FBF1: variants seen among roughly 807,000 people sequenced by gnomAD.
FBF1 encodes Fas binding factor 1.
A neutral mutation model predicts 147.2 loss-of-function variants in FBF1; 119 were observed. The ratio of observed to expected loss-of-function variants is 0.81; its 90% CI spans 0.70 to 0.94. The LOEUF (loss-of-function observed/expected upper bound fraction) is 0.94. Among genes scored for constraint, FBF1 ranks in the 40% least tolerant of loss-of-function variants. The pLI is 0.00. For missense variants in FBF1, 1,449 were observed against 1,500.8 expected (o/e 0.97, Z 0.57); for synonymous variants, 601 against 609.0 (o/e 0.99, Z 0.19).
Position 75,913,975 on chromosome 17 carries a change from G to C in FBF1, c.3067C>G (p.Arg1023Gly). Residue 1023 changes from arginine (R) to glycine (G), a missense_variant, in exon 27 of 30, where the codon CGG (arginine) becomes GGG (glycine). Physicochemically the swap from Arg to Gly is moderately radical, Grantham distance 125. Coordinates refer to ENST00000636174, the MANE Select transcript of FBF1 (RefSeq NM_001319193.2). ...AQQVQAEQQA[R>G]LQAVQQQQER... ...TGCTGTTGCTGCACCGCCTGCAACC[G>C]GGCCTGCTGCTCTGCCTGCACCTGC... The C allele has an allele frequency of 6.4e-7, 1 of 1,561,896 alleles. No homozygotes were observed. The highest frequency in any genetic ancestry group is 1.4e-5 in the African/African-American group (1 of 74,012).
intron 1 of FBF1, among the ~76,000 whole-genome samples, chr17:75,938,524 C>G (rs2065639063): frequency 7.1e-6 from 1 of 140,208 alleles, no homozygotes; most frequent in African/African-American, 2.9e-5. Context: ...CCACTGCACT[C>G]CAACCTAGGC....
In FBF1 at chr17:75,919,256, T is replaced by G. The variant is rs2065508531; in HGVS notation, c.2138+412A>C. Among the ~76,000 whole-genome samples, 1 of 152,216 alleles carries G rather than the reference T, an allele frequency of 6.6e-6. No individual in the cohort carries two copies. Among genetic ancestry groups the G allele is most frequent in the African/African-American group, 2.4e-5 (1 of 41,458 alleles). On this transcript the variant is annotated intron_variant, in intron 20 of 29. Transcript: ENST00000636174. This position sits in a 1 kb window ranked among gnomAD's most constrained non-coding sequence, Gnocchi z 5.0. ...CTGCCTTCATCGACCTCTGACTCCC[T>G]TAGGTAACTTTTCTTAGTTTCCTTC...
rs2065517310 is a variant in FBF1 at position 75,920,306 on chromosome 17, T to C, written c.1798A>G (p.Ser600Gly). The change falls in exon 18 of 30, where the codon AGC becomes GGC. Residue 600 changes from serine (S) to glycine (G), a missense_variant. Coordinates refer to ENST00000636174, the MANE Select transcript of FBF1 (RefSeq NM_001319193.2). ...TCCAGCTCTGCCAGCCGGGCCTGGC[T>C]ATGCAGCAGCTCGGCCTGGAGCTCA... The part of the protein sequence containing the change: ...PAELQAELLH[S>G]QARLAELEAQ... 1 of 1,611,296 alleles carries C rather than the reference T, an allele frequency of 6.2e-7. No homozygotes were observed. The highest frequency in any genetic ancestry group is 8.5e-7 in the Non-Finnish European group (1 of 1,179,252).
At chr17:75,911,582 C>T (rs1567856346) in intron 29 of FBF1, among the ~76,000 whole-genome samples, 1 of 152,050 alleles carries the variant, frequency 6.6e-6, no homozygotes, top group Non-Finnish European at 1.5e-5. Flanking sequence ...GCAGTGGCAC[C>T]GTTGTGGCTC....
At chr17:75,920,464 G>A in intron 17 of FBF1, 35 bp from the exon 18 acceptor site, 2 of 1,570,438 alleles carry the variant, frequency 1.3e-6, no homozygotes, top group South Asian at 1.2e-5. Flanking sequence ...TCTAGTTAGG[G>A]AGGGGACAGG....
At chr17:75,926,008 C>T (rs533404840) in intron 12 of FBF1, 22 bp downstream of exon 12, 22 of 1,588,032 alleles carry the variant, frequency 1.4e-5, no homozygotes, top group African/African-American at 1.2e-4. Context: ...CGTCCTGTTG[C>T]GGCCCCCGCA....
chr17:75,914,187 CCTT>C lies in FBF1; in HGVS notation c.2923_2925del (p.Lys975del), dbSNP rs2065473779. The C allele has an allele frequency of 1.3e-6, 2 of 1,593,212 alleles. No homozygotes were observed. Among genetic ancestry groups the C allele is most frequent in the East Asian group, 4.6e-5 (2 of 43,858 alleles). Reference sequence around the variant, plus strand: ...CGCAGGGCGGTGGCGTTGATCCTCTCCTTCTCCAGCCGCAGCTCCTGCCGCTCC... The same window carrying C: ...CGCAGGGCGGTGGCGTTGATCCTCTCCTCCAGCCGCAGCTCCTGCCGCTCC... On this transcript the variant is annotated inframe_deletion, in exon 26 of 30. Coordinates refer to ENST00000636174, the MANE Select transcript of FBF1 (RefSeq NM_001319193.2).
Position 75,913,942 on chromosome 17 carries a change from G to A in FBF1, c.3100C>T (p.Leu1034=). ...TGCATGTGCTGCTCCTGCTTCCGCAGCCGCTCCTGCTGTTGCTGCACCGCC... is the reference window on the plus strand; with the variant it reads ...TGCATGTGCTGCTCCTGCTTCCGCAACCGCTCCTGCTGTTGCTGCACCGCC... The part of the protein sequence containing the change: ...LQAVQQQQER[L]RKQEQHMHQE... Residue 1034 remains leucine, a synonymous_variant, in exon 27 of 30, where the codon CTG becomes TTG. Transcript: ENST00000636174. The A allele has an allele frequency of 6.5e-7, 1 of 1,548,972 alleles. No homozygotes were observed. The highest frequency in any genetic ancestry group is 8.7e-7 in the Non-Finnish European group (1 of 1,152,710).
In FBF1 at chr17:75,918,116, T is replaced by A. The variant is rs753262227; in HGVS notation, c.2246+46A>T. 1.1e-5 allele frequency: 17 copies of A among 1,607,884 alleles called. No individual in the cohort carries two copies. Among genetic ancestry groups the A allele is most frequent in the Admixed American group, 1.7e-5 (1 of 59,622 alleles). ...CCCCTCCTGACGGTCTCGGGGACCT[T>A]CCGGCCCCCAACGTCAGGCGGGCAT... On this transcript the variant is annotated intron_variant, in intron 21 of 29. Transcript: ENST00000636174. The surrounding 1 kb of genome is among the most constrained non-coding windows in gnomAD (Gnocchi z 5.8).
chr17:75,910,658 C>A lies in FBF1; in HGVS notation c.*65G>T. 6.9e-7 allele frequency: 1 copy of A among 1,441,908 alleles called. No individual in the cohort carries two copies. Among genetic ancestry groups the A allele is most frequent in the South Asian group, 1.2e-5 (1 of 81,732 alleles). 89.3% of individuals were successfully genotyped at this position (1,441,908 alleles called of 1,614,324 possible). On this transcript the variant is annotated 3_prime_UTR_variant, in exon 30 of 30. Transcript: ENST00000636174. This position sits in a 1 kb window ranked among gnomAD's most constrained non-coding sequence, Gnocchi z 4.1. ...TCCCCAGGCACTGCCTCCATGGAGG[C>A]AGCCGGAGGAACAGGACAGTTCTGG...
intron 5 of FBF1, 69 bp downstream of exon 5, chr17:75,932,926 G>C: frequency 1.9e-6 from 2 of 1,040,548 alleles, no homozygotes; most frequent in Admixed American, 5.1e-5. Flanking sequence ...GTAGAAAGTG[G>C]GGGGTGGAGG....
chr17:75,920,628 GCATGTCTCC>G (rs1319888307), intron 17 of FBF1, among the ~76,000 whole-genome samples, 199 bp from the exon 18 acceptor site: 1 of 152,198 alleles, frequency 6.6e-6, no homozygotes, highest in Non-Finnish European at 1.5e-5. Flanking sequence ...CTGGTCAGGA[GCATGTCTCC>G]CTCCACCCTC....
At position 75,917,841 on chromosome 17, in the gene FBF1, TC is replaced by T; in HGVS notation, c.2395del (p.Glu799SerfsTer28). On this transcript the variant is annotated frameshift_variant, in exon 23 of 30. Coordinates refer to ENST00000636174, the MANE Select transcript of FBF1 (RefSeq NM_001319193.2). LOFTEE classifies it high-confidence loss of function. ...QRDEQLRALQ[E>X]RLGQQQRDME... Reference sequence around the variant, plus strand: ...GTCCCGCTGCTGCTGGCCCAGCCGCTCCTGCAGTGCTGGGGGCAACCCACAG... The same window carrying T: ...GTCCCGCTGCTGCTGGCCCAGCCGCTCTGCAGTGCTGGGGGCAACCCACAG... 1.2e-6 allele frequency: 2 copies of T among 1,605,346 alleles called. No homozygotes were observed. The highest frequency in any genetic ancestry group is 1.7e-6 in the Non-Finnish European group (2 of 1,177,106).
intron 23 of FBF1, 48 bp downstream of exon 23, chr17:75,917,684 G>A: frequency 1.3e-6 from 2 of 1,492,106 alleles, no homozygotes; most frequent in Non-Finnish European, 9.1e-7. Context: ...CCCTGGAGAA[G>A]AGGCCCCGTG....
chr17:75,939,282 G>A (rs1271260758), intron 1 of FBF1, among the ~76,000 whole-genome samples: 10 of 129,274 alleles, frequency 7.7e-5, no homozygotes, highest in African/African-American at 9.6e-5. Flanking sequence ...GGCAACATGC[G>A]AGACTCTGTC....
chr17:75,926,230 G>A lies in FBF1; in HGVS notation c.734+58C>T, dbSNP rs1026227730. 92 of 1,606,476 alleles carry A rather than the reference G, an allele frequency of 5.7e-5. 1 individual carries two copies. The East Asian group carries it at 6.0e-4, about 11-fold the overall frequency. On this transcript the variant is annotated intron_variant, in intron 11 of 29. Coordinates refer to ENST00000636174, the MANE Select transcript of FBF1 (RefSeq NM_001319193.2). ...GGCTCTCGGGAATCCCACAGTACCC[G>A]TCCACCAGCTTTTCCCTGAACCTGA... is the stretch of plus-strand genomic sequence containing the variant.
At chr17:75,937,958 A>G in intron 2 of FBF1, 189 bp downstream of exon 2, 1 of 790,130 alleles carries the variant, frequency 1.3e-6, no homozygotes, top group South Asian at 1.7e-5. Flanking sequence ...CTGGACACTC[A>G]GAGTCTCAGA....
Position 75,920,832 on chromosome 17 carries a change from G to C in FBF1, c.1675-403C>G, listed in dbSNP as rs1425842832. 1.2e-4 allele frequency among the ~76,000 whole-genome samples: 6 copies of C among 49,546 alleles called. No individual in the cohort carries two copies. The African/African-American group carries it at 1.9e-3, about 16-fold the overall frequency. The allele number at this position is 49,546 out of a possible 152,430, so 32.5% of individuals were successfully genotyped here. A position where few individuals can be genotyped will look rare whatever the true frequency, so the allele number is the denominator to read the frequency against. Reference sequence around the variant, plus strand: ...ACCATCTCCCAGGGACACACTCCTGGGGGGGGGGGGGGCACACCTCCCAGG... The same window carrying C: ...ACCATCTCCCAGGGACACACTCCTGCGGGGGGGGGGGGCACACCTCCCAGG... On this transcript the variant is annotated intron_variant, in intron 17 of 29. Transcript: ENST00000636174.
Position 75,910,165 on chromosome 17 carries a change from G to A in FBF1, c.*558C>T, listed in dbSNP as rs2065449069. ...GGGCTCTGGGCAAGCCCAGGAGGAGGAGGGCCTGGCTGAGTTCCAGGAACA... is the reference window on the plus strand; with the variant it reads ...GGGCTCTGGGCAAGCCCAGGAGGAGAAGGGCCTGGCTGAGTTCCAGGAACA... On this transcript the variant is annotated 3_prime_UTR_variant, in exon 30 of 30. Coordinates refer to ENST00000636174, the MANE Select transcript of FBF1 (RefSeq NM_001319193.2). This position sits in a 1 kb window ranked among gnomAD's most constrained non-coding sequence, Gnocchi z 4.1. 22 of 412,894 alleles carry A rather than the reference G, an allele frequency of 5.3e-5. No individual in the cohort carries two copies. The highest frequency in any genetic ancestry group is 4.2e-4 in the South Asian group (22 of 52,632). The allele number at this position is 412,894 out of a possible 1,614,324, so 25.6% of individuals were successfully genotyped here. A position where few individuals can be genotyped will look rare whatever the true frequency, so the allele number is the denominator to read the frequency against.
Sources: allele counts gnomAD v4.1 joint callset (sites outside exome capture counted in the v4.1 genomes callset), GRCh38; gene constraint gnomAD v4.1.1; non-coding constraint Gnocchi (gnomAD v3.1); transcripts MANE v1.5; gene names NCBI Gene and HGNC (gene_info 2026-07-23, HGNC 2026-07-21).